The following METTL17 variants were observed in gnomAD, a reference collection of about 807,000 sequenced individuals.
The protein encoded by METTL17 is methyltransferase like 17.
Under a neutral mutation model 59.4 loss-of-function variants are expected in METTL17, and 49 were observed. The ratio of observed to expected loss-of-function variants is 0.82; its 90% CI spans 0.66 to 1.05. The LOEUF is 1.05. Among genes scored for constraint, METTL17 ranks in the 50% least tolerant of loss-of-function variants. The pLI, the probability that METTL17 is intolerant of heterozygous loss-of-function variation, is 0.00. For synonymous variants in METTL17, 208 were observed against 209.2 expected (o/e 0.99, Z 0.05); for missense variants, 555 against 578.4 (o/e 0.96, Z 0.41).
intron 6 of METTL17, 156 bp from the exon 7 acceptor site, chr14:20,993,813 G>A: frequency 2.2e-6 from 1 of 462,138 alleles, no homozygotes; most frequent in Non-Finnish European, 3.9e-6. Flanking sequence ...AATAAAACAA[G>A]AAAATAACAC....
Position 20,996,860 on chromosome 14 carries a change from A to C in METTL17, c.1341A>C (p.Pro447=). Residue 447 remains proline, a synonymous_variant, in exon 14 of 14, where the codon CCA becomes CCC. Transcript: ENST00000339374. ...LPVLTPSAFP[P]STAQDPSES ...TGCTTACTCCGTCTGCGTTTCCTCC[A>C]TCTACGGCTCAGGATCCCTCTGAGA... 1 of 1,612,606 alleles carries C rather than the reference A, an allele frequency of 6.2e-7. No individual in the cohort carries two copies. Among genetic ancestry groups the C allele is most frequent in the Non-Finnish European group, 8.5e-7 (1 of 1,179,426 alleles).
At chr14:20,994,431 C>A in intron 7 of METTL17, 112 bp from the exon 8 acceptor site, 1 of 938,946 alleles carries the variant, frequency 1.1e-6, no homozygotes, top group East Asian at 2.4e-5. Context: ...CATCCCTGCC[C>A]TTTTTGATAT....
At chr14:20,994,517 A>G (rs779263912) in intron 7 of METTL17, 26 bp from the exon 8 acceptor site, 25 of 1,601,172 alleles carry the variant, frequency 1.6e-5, no homozygotes, top group Admixed American at 3.3e-5. Flanking sequence ...CTACACACTC[A>G]CAGTTGCCTC....
chr14:20,996,557 A>G lies in METTL17; in HGVS notation c.1111A>G (p.Met371Val), dbSNP rs200883253. Reference sequence around the variant, plus strand: ...GAAACCAAAGGAAGAAAAGTTCTCTATGGTGATCCTTGCTCGGGGGTCTCC... The same window carrying G: ...GAAACCAAAGGAAGAAAAGTTCTCTGTGGTGATCCTTGCTCGGGGGTCTCC... ...NKKPKEEKFS[M>V]VILARGSPEE... Residue 371 changes from methionine (M) to valine (V), a missense_variant, in exon 13 of 14, where the codon ATG (methionine) becomes GTG (valine). Met to Val is a conservative substitution (Grantham distance 21, BLOSUM62 1). Transcript: ENST00000339374. 1.1e-4 allele frequency: 173 copies of G among 1,613,680 alleles called. No individual in the cohort carries two copies. Among genetic ancestry groups the G allele is most frequent in the Non-Finnish European group, 1.4e-4 (168 of 1,179,708 alleles).
chr14:20,990,604 A>T lies in METTL17; in HGVS notation c.364+6A>T. On this transcript the variant is annotated splice_donor_region_variant and intron_variant, in intron 3 of 13. Coordinates refer to ENST00000339374, the MANE Select transcript of METTL17 (RefSeq NM_022734.3). ...AAAATTCCTGGAAAACCCAGGTAGG[A>T]CTTAAGAATAATTAAAAAGTGGGCG... The T allele has an allele frequency of 6.2e-7, 1 of 1,613,202 alleles. No individual in the cohort carries two copies. Among genetic ancestry groups the T allele is most frequent in the East Asian group, 2.2e-5 (1 of 44,884 alleles).
chr14:20,995,261 C>G, intron 10 of METTL17, 28 bp downstream of exon 10: 1 of 1,575,540 alleles, frequency 6.3e-7, no homozygotes, highest in Non-Finnish European at 8.7e-7. Flanking sequence ...CTCACTCCCC[C>G]ACCCATATGG....
intron 7 of METTL17, 42 bp downstream of exon 7, chr14:20,994,105 G>C (rs1313747149): frequency 8.5e-6 from 12 of 1,406,686 alleles, no homozygotes; most frequent in African/African-American, 1.4e-5. Context: ...AGTTAAGAAA[G>C]CAAAGGGGTA....
chr14:20,990,146 A>C, intron 1 of METTL17, 69 bp downstream of exon 1: 1 of 1,603,736 alleles, frequency 6.2e-7, no homozygotes, highest in Non-Finnish European at 8.5e-7. Context: ...GCAGAGGAGG[A>C]GCGCTCCTGG....
At chr14:20,993,708 T>C (rs772259230) in intron 6 of METTL17, 53 of 265,034 alleles carry the variant, frequency 2.0e-4, no homozygotes, top group East Asian at 1.3e-3. Flanking sequence ...CTCCTGACCT[T>C]GTGATCCGCC....
intron 6 of METTL17, 63 bp from the exon 7 acceptor site, chr14:20,993,906 C>T: frequency 8.1e-7 from 1 of 1,227,484 alleles, no homozygotes; most frequent in Non-Finnish European, 1.2e-6. Context: ...TGTAAATGGG[C>T]CTCTTGTAGA....
chr14:20,996,395 G>A (rs1004276925), intron 12 of METTL17, 103 bp downstream of exon 12: 85 of 1,479,836 alleles, frequency 5.7e-5, no homozygotes, highest in Non-Finnish European at 7.7e-5. Context: ...GAATAGCCTG[G>A]AGACTTTAGG....
rs879097301 is a variant in METTL17 at position 20,993,266 on chromosome 14, A to G, written c.602+75A>G. ...CCATACTTACACCACTCCAAAATTA[A>G]CAGACTGGAAAACCAGAGGGAGAAT... is the stretch of plus-strand genomic sequence containing the variant. On this transcript the variant is annotated intron_variant, in intron 6 of 13. Transcript: ENST00000339374. 1.1e-5 allele frequency: 13 copies of G among 1,230,768 alleles called. 1 individual carries two copies. In the South Asian group the frequency reaches 1.3e-4, roughly 13 times the overall value. The allele number at this position is 1,230,768 out of a possible 1,614,324, so 76.2% of individuals were successfully genotyped here. A position where few individuals can be genotyped will look rare whatever the true frequency, so the allele number is the denominator to read the frequency against.
At chr14:20,996,484 C>G (rs1880381103) in intron 12 of METTL17, 43 bp from the exon 13 acceptor site, 1 of 1,571,418 alleles carries the variant, frequency 6.4e-7, no homozygotes, top group African/African-American at 1.4e-5. Flanking sequence ...ACTTTTTTCC[C>G]ATATCTTTTT....
At chr14:20,991,490 T>C (rs1594339699) in intron 3 of METTL17, among the ~76,000 whole-genome samples, 1 of 152,090 alleles carries the variant, frequency 6.6e-6, no homozygotes, top group African/African-American at 2.4e-5. Context: ...TTTGGAGAAG[T>C]GAAGAAATCC....
chr14:20,991,002 A>G (rs1206451899), intron 3 of METTL17, among the ~76,000 whole-genome samples: 1 of 151,928 alleles, frequency 6.6e-6, no homozygotes, highest in African/African-American at 2.4e-5. Flanking sequence ...GGCTACTTGT[A>G]TTTTTAGTAG....
At position 20,996,275 on chromosome 14, in the gene METTL17, C is replaced by T; in HGVS notation, c.1063C>T (p.Pro355Ser). The change falls in exon 12 of 14, where the codon CCC becomes TCC. Residue 355 changes from proline to serine, a missense_variant. Coordinates refer to ENST00000339374, the MANE Select transcript of METTL17 (RefSeq NM_022734.3). Reference sequence around the variant, plus strand: ...CTGTAGCTTCTCACAGGCGTACCATCCCATCCCCTTCAGCTGGGTAGGTAC... The same window carrying T: ...CTGTAGCTTCTCACAGGCGTACCATTCCATCCCCTTCAGCTGGGTAGGTAC... ...LACSFSQAYH[P>S]IPFSWNKKPK... 1 of 1,614,100 alleles carries T rather than the reference C, an allele frequency of 6.2e-7. No individual in the cohort carries two copies. The highest frequency in any genetic ancestry group is 8.5e-7 in the Non-Finnish European group (1 of 1,179,974).
Position 20,994,027 on chromosome 14 carries a change from G to A in METTL17, c.661G>A (p.Ala221Thr). 1 of 1,613,932 alleles carries A rather than the reference G, an allele frequency of 6.2e-7. No individual in the cohort carries two copies. Among genetic ancestry groups the A allele is most frequent in the Non-Finnish European group, 8.5e-7 (1 of 1,179,918 alleles). Residue 221 changes from alanine to threonine, a missense_variant, in exon 7 of 14, where the codon GCT becomes ACT. Physicochemically the swap from Ala to Thr is moderately conservative, Grantham distance 58. Coordinates refer to ENST00000339374, the MANE Select transcript of METTL17 (RefSeq NM_022734.3). ...LREYMCVDRS[A>T]AMLVLAEKLL... ...TGAATATATGTGTGTGGACAGATCA[G>A]CTGCCATGTTGGTTTTGGCAGAAAA...
intron 11 of METTL17, 103 bp from the exon 12 acceptor site, chr14:20,996,106 G>A: frequency 3.1e-6 from 4 of 1,295,170 alleles, no homozygotes. Flanking sequence ...CACTGCTCCT[G>A]TCCTCCCTTC....
chr14:20,992,214 GC>G lies in METTL17; in HGVS notation c.446+12del. 6.4e-7 allele frequency: 1 copy of G among 1,553,962 alleles called. No individual in the cohort carries two copies. The highest frequency in any genetic ancestry group is 8.8e-7 in the Non-Finnish European group (1 of 1,135,534). The stretch of plus-strand genomic sequence containing the variant: ...CATTGGCAAGAACTGAGGTAAGGGG[GC>G]CCAGAAGAGGTGCACAAGAAAGCAA... On this transcript the variant is annotated intron_variant, in intron 4 of 13. Transcript: ENST00000339374.
Sources: allele counts gnomAD v4.1 joint callset (sites outside exome capture counted in the v4.1 genomes callset), GRCh38; gene constraint gnomAD v4.1.1; transcripts MANE v1.5; gene names NCBI Gene and HGNC (gene_info 2026-07-23, HGNC 2026-07-21).